The following CD9 variants were observed in gnomAD, a reference collection of about 807,000 sequenced individuals.
The protein encoded by CD9 is CD9 molecule.
Under a neutral mutation model 31.4 loss-of-function variants are expected in CD9, and 10 were observed. That is an observed-to-expected ratio of 0.32 (90% confidence interval 0.20 to 0.54). The LOEUF (loss-of-function observed/expected upper bound fraction) is 0.54. Ranked by LOEUF, CD9 falls within the 20% of genes least tolerant of loss-of-function variation. The pLI is 0.94. For missense variants in CD9, 259 were observed against 300.1 expected (o/e 0.86, Z 1.01); for synonymous variants, 113 against 114.1 (o/e 0.99, Z 0.06).
intron 1 of CD9, among the ~76,000 whole-genome samples, chr12:6,205,367 A>G (rs1946119719): frequency 6.6e-6 from 1 of 152,216 alleles, no homozygotes; most frequent in East Asian, 1.9e-4. Flanking sequence ...CCTTCTTTTC[A>G]ACGTGGCCCA....
At chr12:6,206,095 G>A (rs1420467278) in intron 1 of CD9, 1 of 149,130 alleles carries the variant, frequency 6.7e-6, no homozygotes, top group African/African-American at 2.5e-5. Flanking sequence ...GTGAGAGCCT[G>A]TCAGACCCAT....
At chr12:6,221,089 AGG>A (rs1362436181) in intron 1 of CD9, among the ~76,000 whole-genome samples, 1 of 152,200 alleles carries the variant, frequency 6.6e-6, no homozygotes, top group African/African-American at 2.4e-5. Context: ...TGCTCAGTTG[AGG>A]TTTGGCTCAT....
chr12:6,225,208 C>A, intron 1 of CD9: 1 of 556,074 alleles, frequency 1.8e-6, no homozygotes, highest in East Asian at 3.0e-5. Flanking sequence ...AGCCAATGGG[C>A]GGCAGGTAGG....
intron 1 of CD9, among the ~76,000 whole-genome samples, chr12:6,205,340 A>G (rs1946119450): frequency 6.6e-6 from 1 of 152,122 alleles, no homozygotes; most frequent in South Asian, 2.1e-4. Flanking sequence ...ACACGCTCAC[A>G]CTCACGTTCT....
In CD9 at chr12:6,208,556, T is replaced by G. The variant is rs951399616; in HGVS notation, c.66+7991T>G. ...CCTATTCAAGGATTTTAGTTTTTTT[T>G]GTTTGTTTGTTTGTTTTTGTTCTTT... On this transcript the variant is annotated intron_variant, in intron 1 of 7. Transcript: ENST00000009180. Among the ~76,000 whole-genome samples the G allele has an allele frequency of 2.0e-5, 3 of 152,052 alleles. 1 individual carries two copies. The highest frequency in any genetic ancestry group is 4.8e-5 in the African/African-American group (2 of 41,404).
chr12:6,222,681 C>T (rs974784920), intron 1 of CD9, among the ~76,000 whole-genome samples: 12 of 152,194 alleles, frequency 7.9e-5, no homozygotes, highest in African/African-American at 2.9e-4. Flanking sequence ...AATGACTGGA[C>T]TTAACATATT....
At chr12:6,218,484 C>G (rs1484714888) in intron 1 of CD9, among the ~76,000 whole-genome samples, 1 of 152,182 alleles carries the variant, frequency 6.6e-6, no homozygotes, top group Non-Finnish European at 1.5e-5. Context: ...TTCAGCACAC[C>G]TACTTCAAGA....
At chr12:6,214,521 T>C (rs1946223621) in intron 1 of CD9, among the ~76,000 whole-genome samples, 1 of 151,838 alleles carries the variant, frequency 6.6e-6, no homozygotes, top group South Asian at 2.1e-4. Flanking sequence ...TAAGTTTTTG[T>C]ATTTTTTAGT....
chr12:6,209,248 C>G (rs1946166758), intron 1 of CD9, among the ~76,000 whole-genome samples: 1 of 152,232 alleles, frequency 6.6e-6, no homozygotes, highest in Non-Finnish European at 1.5e-5. Flanking sequence ...GCGTGAGCCA[C>G]CGCACCGGGC....
At chr12:6,213,696 C>T (rs927931833) in intron 1 of CD9, among the ~76,000 whole-genome samples, 2 of 152,176 alleles carry the variant, frequency 1.3e-5, no homozygotes, top group Non-Finnish European at 2.9e-5. Context: ...CCACGGTCAC[C>T]ATTGCTTGTG....
At chr12:6,235,924 C>G (rs539925507) in intron 6 of CD9, 1 of 1,391,982 alleles carries the variant, frequency 7.2e-7, no homozygotes, top group East Asian at 2.7e-5. Flanking sequence ...GGTGACCTTA[C>G]AACCATGTCA....
intron 2 of CD9, among the ~76,000 whole-genome samples, chr12:6,228,958 A>G (rs1429121190): frequency 6.6e-6 from 1 of 152,252 alleles, no homozygotes; most frequent in African/African-American, 2.4e-5. Flanking sequence ...TACCAAGTAG[A>G]GAAAGAGTAT....
chr12:6,222,693 G>T (rs1211214750), intron 1 of CD9, among the ~76,000 whole-genome samples: 1 of 152,160 alleles, frequency 6.6e-6, no homozygotes, highest in Non-Finnish European at 1.5e-5. Context: ...TAACATATTG[G>T]CTCAGGGTCC....
chr12:6,214,229 C>A (rs1406232690), intron 1 of CD9, among the ~76,000 whole-genome samples: 1 of 152,022 alleles, frequency 6.6e-6, no homozygotes. Context: ...ACATAAACCA[C>A]CTCCTGTAAT....
At chr12:6,231,332 T>C (rs1170795694) in intron 2 of CD9, among the ~76,000 whole-genome samples, 1 of 152,244 alleles carries the variant, frequency 6.6e-6, no homozygotes, top group African/African-American at 2.4e-5. Flanking sequence ...GCATTATTGC[T>C]ACTCCTGTTT....
chr12:6,216,243 C>G (rs1489242386), intron 1 of CD9, among the ~76,000 whole-genome samples: 1 of 152,208 alleles, frequency 6.6e-6, no homozygotes, highest in Non-Finnish European at 1.5e-5. Flanking sequence ...AGAGGGAGGG[C>G]CTATCTCCAC....
intron 7 of CD9, 167 bp downstream of exon 7, chr12:6,236,442 A>G: frequency 3.1e-6 from 2 of 641,624 alleles, no homozygotes; most frequent in Non-Finnish European, 5.5e-6. Context: ...AGAGAGGCCG[A>G]TGTTCTGATC....
chr12:6,237,541 T>C (rs1946537080), intron 7 of CD9, among the ~76,000 whole-genome samples: 1 of 152,246 alleles, frequency 6.6e-6, no homozygotes, highest in Admixed American at 6.5e-5. Context: ...GGAAAATGCT[T>C]GTGCAGCTGA....
intron 1 of CD9, among the ~76,000 whole-genome samples, chr12:6,221,102 GT>G (rs1346744632): frequency 1.3e-5 from 2 of 152,218 alleles, no homozygotes; most frequent in Admixed American, 1.3e-4. Flanking sequence ...TTTGGCTCAT[GT>G]TTTTCTCAGG....
Sources: allele counts gnomAD v4.1 joint callset (sites outside exome capture counted in the v4.1 genomes callset), GRCh38; gene constraint gnomAD v4.1.1; transcripts MANE v1.5; gene names NCBI Gene and HGNC (gene_info 2026-07-23, HGNC 2026-07-21).